SYT1: variants seen among roughly 807,000 people sequenced by gnomAD.
The protein encoded by SYT1 is synaptotagmin 1, also known as synaptotagmin-1.
SYT1 carries 8 observed loss-of-function variants against 44.8 expected under a neutral mutation model. The observed-to-expected ratio is 0.18, with a 90% CI of 0.10 to 0.32. The LOEUF is 0.32. SYT1 is among the 10% of genes least tolerant of loss of function. The probability of loss-of-function intolerance (pLI) is 1.00; values close to 1 mark genes in which losing one functional copy is unlikely to be tolerated. For synonymous variants in SYT1, 154 were observed against 188.8 expected (o/e 0.82, Z 1.51); for missense variants, 286 against 509.3 (o/e 0.56, Z 4.22).
intron 1 of SYT1, among the ~76,000 whole-genome samples, chr12:78,931,367 AGGAAG>A: frequency 9.5e-6 from 1 of 105,006 alleles, no homozygotes; most frequent in African/African-American, 3.7e-5. Context: ...GAAGGAAGGA[AGGAAG>A]GAAGGAAGGA....
chr12:79,039,181 A>G (rs1873343273), intron 2 of SYT1, among the ~76,000 whole-genome samples: 1 of 152,022 alleles, frequency 6.6e-6, no homozygotes, highest in South Asian at 2.1e-4. Flanking sequence ...TAAATCTCAG[A>G]TATATTTTCT....
intron 2 of SYT1, among the ~76,000 whole-genome samples, chr12:78,999,452 G>T (rs1465870777): frequency 1.3e-5 from 2 of 152,160 alleles, no homozygotes; most frequent in Non-Finnish European, 2.9e-5. Context: ...TAACCATGAT[G>T]TAAACGGTTT....
At chr12:79,084,747 A>C (rs1488724066) in intron 3 of SYT1, among the ~76,000 whole-genome samples, 1 of 152,158 alleles carries the variant, frequency 6.6e-6, no homozygotes, top group African/African-American at 2.4e-5. Context: ...AAATTTTAAA[A>C]AGAACAAAAT....
At chr12:78,955,202 T>C (rs952111585) in intron 1 of SYT1, among the ~76,000 whole-genome samples, 3 of 152,170 alleles carry the variant, frequency 2.0e-5, no homozygotes, top group African/African-American at 7.2e-5. Context: ...TTGTACAACA[T>C]GTTATATTCA....
At chr12:78,969,366 A>T (rs1868322049) in intron 1 of SYT1, among the ~76,000 whole-genome samples, 1 of 152,218 alleles carries the variant, frequency 6.6e-6, no homozygotes, top group Non-Finnish European at 1.5e-5. Flanking sequence ...CAAAGGTGAC[A>T]TTCGGAAAAA....
At position 79,217,494 on chromosome 12, in the gene SYT1, C is replaced by G. The variant is rs151296432; in HGVS notation, c.-17-9C>G. On this transcript the variant is annotated splice_polypyrimidine_tract_variant and intron_variant, in intron 3 of 10. Coordinates refer to ENST00000261205, the MANE Select transcript of SYT1 (RefSeq NM_005639.3). The stretch of plus-strand genomic sequence containing the variant: ...GAATTGTTCTGTCTTTGCTTCCCTC[C>G]CCTCACAGCTTCACCTGAACCTAAA... 13,378 of 1,553,348 alleles carry G rather than the reference C, an allele frequency of 8.6e-3. 84 individuals are homozygous for G. The highest frequency in any genetic ancestry group is 9.7e-3 in the Non-Finnish European group (11,199 of 1,154,298).
intron 3 of SYT1, among the ~76,000 whole-genome samples, chr12:79,192,497 G>A (rs1014092849): frequency 1.3e-5 from 2 of 152,124 alleles, no homozygotes. Context: ...GAATACTGAT[G>A]AGGATGAAAC....
chr12:78,949,244 A>C (rs555792827), intron 1 of SYT1, among the ~76,000 whole-genome samples: 1 of 151,872 alleles, frequency 6.6e-6, no homozygotes, highest in African/African-American at 2.4e-5. Flanking sequence ...ACATAATTTT[A>C]GAAATATAGG....
intron 8 of SYT1, among the ~76,000 whole-genome samples, chr12:79,302,922 G>A (rs1468185240): frequency 6.6e-6 from 1 of 152,082 alleles, no homozygotes; most frequent in Non-Finnish European, 1.5e-5. Flanking sequence ...ATATAAAACT[G>A]TTGTTTCTTA....
chr12:79,223,168 T>G (rs1875277532), intron 4 of SYT1, among the ~76,000 whole-genome samples: 1 of 152,234 alleles, frequency 6.6e-6, no homozygotes, highest in South Asian at 2.1e-4. Context: ...TCCCTGATTC[T>G]TCTTGATCTT....
chr12:78,941,065 C>CTTTTTTTTTTTTTTT (rs398044555), intron 1 of SYT1, among the ~76,000 whole-genome samples: 13 of 68,462 alleles, frequency 1.9e-4, no homozygotes, highest in South Asian at 6.4e-4. Flanking sequence ...CTTTTTTTTT[C>CTTTTTTTTTTTTTTT]TTTTTTTTTT....
chr12:79,179,001 G>A (rs1331369161), intron 3 of SYT1, among the ~76,000 whole-genome samples: 14 of 18,488 alleles, frequency 7.6e-4, no homozygotes, highest in Non-Finnish European at 1.2e-3. Context: ...TATAGATATA[G>A]ATATAGATAT....
Position 79,342,203 on chromosome 12 carries a change from C to T in SYT1, c.811-11299C>T, listed in dbSNP as rs531075792. 2.0e-5 allele frequency among the ~76,000 whole-genome samples: 3 copies of T among 152,082 alleles called. No individual in the cohort carries two copies. In the South Asian group the frequency reaches 6.2e-4, roughly 32 times the overall value. On this transcript the variant is annotated intron_variant, in intron 8 of 10. Transcript: ENST00000261205. ...CTTTTAACTCAAGAGAGATAGGAGA[C>T]CTACTTAAGGATTTTAAGATTTGGT...
intron 1 of SYT1, among the ~76,000 whole-genome samples, chr12:78,893,218 A>G (rs956464798): frequency 1.3e-4 from 20 of 151,810 alleles, no homozygotes; most frequent in African/African-American, 4.8e-4. Flanking sequence ...TACATTTTTC[A>G]ATTTGCTAAT....
At chr12:78,934,108 G>A (rs1019326529) in intron 1 of SYT1, among the ~76,000 whole-genome samples, 5 of 151,646 alleles carry the variant, frequency 3.3e-5, no homozygotes, top group Non-Finnish European at 7.4e-5. Context: ...ATATATATGT[G>A]TGTATATACA....
At chr12:79,427,260 T>A (rs1050848575) in intron 9 of SYT1, among the ~76,000 whole-genome samples, 1 of 152,240 alleles carries the variant, frequency 6.6e-6, no homozygotes, top group African/African-American at 2.4e-5. Context: ...ATAAATCAGC[T>A]GTTTACAAGT....
chr12:78,991,820 G>A (rs1037963084), intron 2 of SYT1, among the ~76,000 whole-genome samples: 6 of 152,088 alleles, frequency 3.9e-5, no homozygotes, highest in African/African-American at 9.7e-5. Flanking sequence ...TTACAGAAAT[G>A]TACTCTTTTT....
intron 9 of SYT1, among the ~76,000 whole-genome samples, chr12:79,354,913 T>A (rs1163405528): frequency 6.6e-6 from 1 of 152,208 alleles, no homozygotes; most frequent in Non-Finnish European, 1.5e-5. Context: ...TTTCTTTGTA[T>A]CCTGTCTCTT....
chr12:79,402,527 C>T (rs542508205), intron 9 of SYT1, among the ~76,000 whole-genome samples: 33 of 152,266 alleles, frequency 2.2e-4, no homozygotes, highest in Admixed American at 6.5e-4. Context: ...AACAGATTTT[C>T]GCAGGTGTTT....
Sources: gnomAD v4.1 joint callset for allele counts (sites outside exome capture counted in the v4.1 genomes callset) on GRCh38, gnomAD v4.1.1 for gene constraint, MANE v1.5 for transcripts, NCBI Gene and HGNC (gene_info 2026-07-23, HGNC 2026-07-21) for gene names.